Variants in SLC4A7 observed in about 807,000 individuals in gnomAD.
SLC4A7 encodes solute carrier family 4 member 7.
In SLC4A7, 51 loss-of-function variants were observed where a neutral mutation model predicts 137.6. The ratio of observed to expected loss-of-function variants is 0.37; its 90% CI spans 0.30 to 0.47. The LOEUF is 0.47. Among genes scored for constraint, SLC4A7 ranks in the 20% least tolerant of loss-of-function variants. SLC4A7 has a pLI of 1.00. For missense variants in SLC4A7, 1,247 were observed against 1,525.4 expected (o/e 0.82, Z 3.04); for synonymous variants, 542 against 518.6 (o/e 1.05, Z -0.61).
intron 14 of SLC4A7, among the ~76,000 whole-genome samples, chr3:27,403,781 C>T (rs2053044218): frequency 6.6e-6 from 1 of 152,124 alleles, no homozygotes; most frequent in South Asian, 2.1e-4. Flanking sequence ...ATCCAGACAT[C>T]ATATGTATCA....
intron 1 of SLC4A7, among the ~76,000 whole-genome samples, chr3:27,482,308 A>G (rs930179006): frequency 2.0e-5 from 3 of 152,220 alleles, no homozygotes; most frequent in African/African-American, 7.2e-5. Context: ...TCTACTAGCT[A>G]GGCAGGCAAT....
intron 3 of SLC4A7, among the ~76,000 whole-genome samples, chr3:27,439,197 C>G (rs1354274270): frequency 6.6e-6 from 1 of 152,010 alleles, no homozygotes; most frequent in African/African-American, 2.4e-5. Context: ...AAAGTCAGAT[C>G]TGAGAAAATT....
intron 1 of SLC4A7, among the ~76,000 whole-genome samples, chr3:27,466,135 G>C (rs2058982883): frequency 6.6e-6 from 1 of 151,962 alleles, no homozygotes; most frequent in African/African-American, 2.4e-5. Context: ...GAGGGCCCAT[G>C]TTTTCTCTTT....
chr3:27,391,380 G>A (rs7621948), intron 21 of SLC4A7, among the ~76,000 whole-genome samples: 23,140 of 152,056 alleles, frequency 0.15, 1,949 homozygotes, highest in South Asian at 0.27. Flanking sequence ...CACAAATGGC[G>A]GGTCTTGCTA....
At position 27,374,877 on chromosome 3, in the gene SLC4A7, T is replaced by C. The variant is rs2049796794; in HGVS notation, c.*1887A>G. 1 of 152,416 alleles carries C rather than the reference T, an allele frequency of 6.6e-6. No individual in the cohort carries two copies. The highest frequency in any genetic ancestry group is 6.6e-5 in the Admixed American group (1 of 15,264). 9.4% of individuals were successfully genotyped at this position (152,416 alleles called of 1,614,324 possible). On this transcript the variant is annotated 3_prime_UTR_variant, in exon 26 of 26. Transcript: ENST00000454389. ...CAGCAAATACTGGGGTCTTTGGAAA[T>C]AATTATGCTGCTACAAATAAAAAGG...
In SLC4A7 at chr3:27,409,461, T is replaced by C. The variant is rs1353608194; in HGVS notation, c.1836A>G (p.Ala612=). The change falls in exon 13 of 26, where the codon GCA becomes GCG. Residue 612 remains alanine, a synonymous_variant. Coordinates refer to ENST00000454389, the MANE Select transcript of SLC4A7 (RefSeq NM_001321103.2). Reference sequence around the variant, plus strand: ...TCGAGGCCAGGCACTGCAGGCTTAATGCATCCTTGAAGTCACTCAAGAAAA... The same window carrying C: ...TCGAGGCCAGGCACTGCAGGCTTAACGCATCCTTGAAGTCACTCAAGAAAA... ...APFFLSDFKD[A]LSLQCLASIL... 6.2e-7 allele frequency: 1 copy of C among 1,613,910 alleles called. No individual in the cohort carries two copies. Among genetic ancestry groups the C allele is most frequent in the African/African-American group, 1.3e-5 (1 of 75,024 alleles).
chr3:27,376,889 A>C, intron 25 of SLC4A7, 44 bp from the exon 26 acceptor site: 1 of 992,540 alleles, frequency 1.0e-6, no homozygotes, highest in Non-Finnish European at 1.4e-6. Flanking sequence ...TAAAATATAA[A>C]TATTCAATTC....
Position 27,397,112 on chromosome 3 carries a change from T to A in SLC4A7, c.2703+572A>T, listed in dbSNP as rs1220250527. On this transcript the variant is annotated intron_variant, in intron 18 of 25. Transcript: ENST00000454389. ...GGCATGGTCGCAGCTCACTGCAACC[T>A]CCGCCTCCTGGGTTCAAGCGATTCT... Among the ~76,000 whole-genome samples the A allele has an allele frequency of 2.0e-5, 3 of 152,146 alleles. No homozygotes were observed. In the East Asian group the frequency reaches 5.8e-4, roughly 29 times the overall value.
In SLC4A7 at chr3:27,376,585, A is replaced by G. The variant is rs1285334997; in HGVS notation, c.*179T>C. 4 of 393,896 alleles carry G rather than the reference A, an allele frequency of 1.0e-5. No individual in the cohort carries two copies. In the South Asian group the frequency reaches 2.4e-4, roughly 24 times the overall value. The allele number at this position is 393,896 out of a possible 1,614,324, so 24.4% of individuals were successfully genotyped here. On this transcript the variant is annotated 3_prime_UTR_variant, in exon 26 of 26. Transcript: ENST00000454389. The stretch of plus-strand genomic sequence containing the variant: ...AAGAACCATGTACCTCACTTCAAAG[A>G]GAGCATTTCATTAAATACATAGTCT...
At chr3:27,465,098 G>A (rs918851918) in intron 1 of SLC4A7, among the ~76,000 whole-genome samples, 14 of 151,910 alleles carry the variant, frequency 9.2e-5, no homozygotes, top group African/African-American at 3.4e-4. Flanking sequence ...TGGGGTTTGA[G>A]ACCAGCCAGG....
rs564936212 is a variant in SLC4A7 at position 27,447,175 on chromosome 3, C to T, written c.289+1476G>A. ...TACTGCAATTGCAAGCGTGAGCCAC[C>T]GCGCCCAGCTGAGTAGAGTTTCTTA... On this transcript the variant is annotated intron_variant, in intron 3 of 25. Transcript: ENST00000454389. Among the ~76,000 whole-genome samples, 179 of 152,006 alleles carry T rather than the reference C, an allele frequency of 1.2e-3. 1 individual carries two copies. Among genetic ancestry groups the T allele is most frequent in the African/African-American group, 3.5e-3 (147 of 41,460 alleles).
At chr3:27,377,282 T>C (rs934011339) in intron 25 of SLC4A7, among the ~76,000 whole-genome samples, 7 of 152,158 alleles carry the variant, frequency 4.6e-5, no homozygotes, top group African/African-American at 1.7e-4. Flanking sequence ...CACCCCAAAT[T>C]TGATTCATAA....
chr3:27,484,371 C>G lies in SLC4A7; in HGVS notation c.-245G>C. 1 of 328,912 alleles carries G rather than the reference C, an allele frequency of 3.0e-6. No individual in the cohort carries two copies. The allele number at this position is 328,912 out of a possible 1,614,324, so 20.4% of individuals were successfully genotyped here. A position where few individuals can be genotyped will look rare whatever the true frequency, so the allele number is the denominator to read the frequency against. On this transcript the variant is annotated 5_prime_UTR_variant, in exon 1 of 26. Transcript: ENST00000454389. ...GGAGAGCGAGGCCGCGGCGTGGAACCTGAAGCTAGAACTGAGCGAACCGGC... is the reference window on the plus strand; with the variant it reads ...GGAGAGCGAGGCCGCGGCGTGGAACGTGAAGCTAGAACTGAGCGAACCGGC...
chr3:27,423,166 T>C (rs1255984602), intron 8 of SLC4A7, among the ~76,000 whole-genome samples: 4 of 152,200 alleles, frequency 2.6e-5, no homozygotes, highest in African/African-American at 4.8e-5. Flanking sequence ...AAAGCTATAA[T>C]GCAAACCATT....
chr3:27,470,927 C>A (rs2150702150), intron 1 of SLC4A7, among the ~76,000 whole-genome samples: 1 of 152,134 alleles, frequency 6.6e-6, no homozygotes, highest in South Asian at 2.1e-4. Context: ...AGTGACAGAG[C>A]AAGACTCCGT....
chr3:27,463,558 G>A (rs2058812318), intron 1 of SLC4A7, among the ~76,000 whole-genome samples: 1 of 152,014 alleles, frequency 6.6e-6, no homozygotes, highest in South Asian at 2.1e-4. Context: ...AAAAAATAAA[G>A]CAAGCCCAAT....
chr3:27,422,780 C>G (rs756193919), intron 8 of SLC4A7: 18 of 455,822 alleles, frequency 3.9e-5, no homozygotes, highest in South Asian at 9.3e-5. Flanking sequence ...CCAGCACTTA[C>G]AGCGGGCCTC....
chr3:27,466,656 C>T (rs1198354582), intron 1 of SLC4A7, among the ~76,000 whole-genome samples: 1 of 151,974 alleles, frequency 6.6e-6, no homozygotes, highest in South Asian at 2.1e-4. Flanking sequence ...GACGGAGCCC[C>T]GTCTCTATAA....
intron 3 of SLC4A7, among the ~76,000 whole-genome samples, chr3:27,442,357 T>A (rs2057264999): frequency 6.6e-6 from 1 of 152,068 alleles, no homozygotes; most frequent in African/African-American, 2.4e-5. Flanking sequence ...TACTTTGTAA[T>A]AAACAACTCC....
Sources: allele counts gnomAD v4.1 joint callset (sites outside exome capture counted in the v4.1 genomes callset), GRCh38; gene constraint gnomAD v4.1.1; transcripts MANE v1.5; gene names NCBI Gene and HGNC (gene_info 2026-07-23, HGNC 2026-07-21).